GLS2: variants seen among roughly 807,000 people sequenced by gnomAD.
The protein encoded by GLS2 is glutaminase 2.
Under a neutral mutation model 79.0 loss-of-function variants are expected in GLS2, and 52 were observed. The ratio of observed to expected loss-of-function variants is 0.66; its 90% CI spans 0.53 to 0.83. The LOEUF is 0.83. Ranked by LOEUF, GLS2 falls within the 40% of genes least tolerant of loss-of-function variation. The pLI, the probability that GLS2 is intolerant of heterozygous loss-of-function variation, is 0.00. For synonymous variants in GLS2, 238 were observed against 280.8 expected (o/e 0.85, Z 1.52); for missense variants, 561 against 764.8 (o/e 0.73, Z 3.14).
intron 1 of GLS2, among the ~76,000 whole-genome samples, chr12:56,483,261 A>G (rs1197562683): frequency 6.6e-6 from 1 of 150,920 alleles, no homozygotes; most frequent in Non-Finnish European, 1.5e-5. Flanking sequence ...TTGTATTTTT[A>G]GTAGAGACAG....
Position 56,479,886 on chromosome 12 carries a change from C to T in GLS2, c.298G>A (p.Gly100Arg). The T allele has an allele frequency of 6.2e-7, 1 of 1,613,414 alleles. No homozygotes were observed. Among genetic ancestry groups the T allele is most frequent in the Non-Finnish European group, 8.5e-7 (1 of 1,179,952 alleles). Residue 100 changes from glycine to arginine, a missense_variant, in exon 3 of 18, where the codon GGA becomes AGA. Physicochemically the swap from Gly to Arg is moderately radical, Grantham distance 125. Transcript: ENST00000311966. Reference protein sequence around the residue: ...HKFTTALKATGLQTSDPRLRD... With the variant: ...HKFTTALKATRLQTSDPRLRD... ...AGCCGAGGATCTGATGTCTGCAGTC[C>T]AGTGGCCTTTAGTGCCTTTAGAGGA...
At chr12:56,482,954 C>T (rs1870408297) in intron 1 of GLS2, among the ~76,000 whole-genome samples, 1 of 152,014 alleles carries the variant, frequency 6.6e-6, no homozygotes. Context: ...CGATTAAGAC[C>T]CTTCAAAGAT....
At chr12:56,474,303 GGTC>G in intron 12 of GLS2, 2 of 503,222 alleles carry the variant, frequency 4.0e-6, no homozygotes, top group Non-Finnish European at 7.2e-6. Flanking sequence ...AGGTCAGGCT[GGTC>G]TCGAACTCCT....
At chr12:56,474,955 A>T in intron 10 of GLS2, 59 bp from the exon 11 acceptor site, 1 of 1,613,766 alleles carries the variant, frequency 6.2e-7, no homozygotes. Context: ...TCACACTGTC[A>T]GGGTCTCAGC....
chr12:56,476,420 G>A, intron 7 of GLS2: 1 of 193,588 alleles, frequency 5.2e-6, no homozygotes, highest in South Asian at 9.4e-5. Context: ...CCCTATCCCT[G>A]ATCTCCATCC....
chr12:56,471,734 G>C, intron 17 of GLS2, 39 bp downstream of exon 17: 1 of 1,612,230 alleles, frequency 6.2e-7, no homozygotes, highest in Non-Finnish European at 8.5e-7. Flanking sequence ...AGGTGGAGAA[G>C]CTGTGCCCAC....
At chr12:56,480,971 G>A (rs1870230971) in intron 1 of GLS2, among the ~76,000 whole-genome samples, 1 of 152,188 alleles carries the variant, frequency 6.6e-6, no homozygotes, top group East Asian at 1.9e-4. Flanking sequence ...TGTAATACAA[G>A]GGTAGTAATG....
At chr12:56,485,476 G>A (rs932220008) in intron 1 of GLS2, among the ~76,000 whole-genome samples, 1 of 151,538 alleles carries the variant, frequency 6.6e-6, no homozygotes, top group Non-Finnish European at 1.5e-5. Context: ...TGCTGCCCAA[G>A]CTGGTTTCGA....
rs1869242480 is a variant in GLS2 at position 56,471,373 on chromosome 12, C to T, written c.*114G>A. 1 of 1,150,364 alleles carries T rather than the reference C, an allele frequency of 8.7e-7. No individual in the cohort carries two copies. The highest frequency in any genetic ancestry group is 1.2e-6 in the Non-Finnish European group (1 of 831,300). The allele number at this position is 1,150,364 out of a possible 1,614,324, so 71.3% of individuals were successfully genotyped here. On this transcript the variant is annotated 3_prime_UTR_variant, in exon 18 of 18. Transcript: ENST00000311966. ...AGCACTAGCCTAAGTCACCAAATGA[C>T]TGCTTGGTCCCCACTGAAGCAGTGT... is the stretch of plus-strand genomic sequence containing the variant.
chr12:56,486,046 A>G (rs1169619197), intron 1 of GLS2, among the ~76,000 whole-genome samples: 3 of 150,678 alleles, frequency 2.0e-5, no homozygotes, highest in African/African-American at 7.3e-5. Flanking sequence ...TCATAAATAC[A>G]GCTAAATAGC....
At chr12:56,484,308 T>C (rs1464718938) in intron 1 of GLS2, among the ~76,000 whole-genome samples, 1 of 152,162 alleles carries the variant, frequency 6.6e-6, no homozygotes, top group African/African-American at 2.4e-5. Context: ...TTGATTCATC[T>C]CCTTCTACAG....
At position 56,473,521 on chromosome 12, in the gene GLS2, C is replaced by T. The variant is rs1431870489; in HGVS notation, c.1298G>A (p.Cys433Tyr). 5.0e-6 allele frequency: 8 copies of T among 1,613,838 alleles called. No homozygotes were observed. Among genetic ancestry groups the T allele is most frequent in the Non-Finnish European group, 6.8e-6 (8 of 1,180,018 alleles). The part of the protein sequence containing the change: ...LVVPNVMGMM[C>Y]LSPPLDKLGN... ...CAGCTTGTCCAATGGGGGTGACAGG[C>T]ACATCATTCCCATGACATTGGGTAC... Residue 433 changes from cysteine (C) to tyrosine (Y), a missense_variant, in exon 13 of 18, where the codon TGC becomes TAC. Physicochemically the swap from Cys to Tyr is radical, Grantham distance 194 (BLOSUM62 -2). Transcript: ENST00000311966.
At chr12:56,475,911 A>T in intron 8 of GLS2, 34 bp downstream of exon 8, 2 of 1,613,046 alleles carry the variant, frequency 1.2e-6, no homozygotes, top group Non-Finnish European at 1.7e-6. Context: ...CCATGGCGAA[A>T]TGCAGCCAGG....
At chr12:56,479,222 G>T in intron 3 of GLS2, 41 bp from the exon 4 acceptor site, 1 of 1,606,334 alleles carries the variant, frequency 6.2e-7, no homozygotes, top group Non-Finnish European at 8.5e-7. Flanking sequence ...CTAGAGAAAT[G>T]CAGCTGGGAC....
chr12:56,485,049 T>C (rs1870574779), intron 1 of GLS2, among the ~76,000 whole-genome samples: 1 of 152,154 alleles, frequency 6.6e-6, no homozygotes, highest in Non-Finnish European at 1.5e-5. Context: ...AACAATGGAA[T>C]CTTTTAAAAT....
rs1282660574 is a variant in GLS2, at chr12:56,471,109, G to A, written c.*378C>T. On this transcript the variant is annotated 3_prime_UTR_variant, in exon 18 of 18. Coordinates refer to ENST00000311966, the MANE Select transcript of GLS2 (RefSeq NM_013267.4). ...CCATTCCCACTTCCCATATTCTGTG[G>A]ATATGTACATGTGCATGGTAGCTAG... 3 of 377,418 alleles carry A rather than the reference G, an allele frequency of 7.9e-6. No individual in the cohort carries two copies. Among genetic ancestry groups the A allele is most frequent in the Non-Finnish European group, 4.7e-6 (1 of 213,022 alleles). 23.4% of individuals were successfully genotyped at this position (377,418 alleles called of 1,614,324 possible).
chr12:56,485,338 C>T (rs1454438962), intron 1 of GLS2, among the ~76,000 whole-genome samples: 1 of 152,098 alleles, frequency 6.6e-6, no homozygotes, highest in African/African-American at 2.4e-5. Flanking sequence ...ATCACTACAG[C>T]CTCGACCTAC....
chr12:56,479,996 C>A (rs1221964077), intron 2 of GLS2, 95 bp from the exon 3 acceptor site: 6 of 1,469,726 alleles, frequency 4.1e-6, no homozygotes, highest in Non-Finnish European at 4.6e-6. Context: ...AGCTGAACCC[C>A]AACCACTACA....
intron 6 of GLS2, 34 bp from the exon 7 acceptor site, chr12:56,477,752 A>G (rs2136187496): frequency 6.3e-7 from 1 of 1,597,430 alleles, no homozygotes; most frequent in Non-Finnish European, 8.5e-7. Flanking sequence ...AGTCTTAGCC[A>G]CTGAACAAAG....
Sources: allele counts gnomAD v4.1 joint callset (sites outside exome capture counted in the v4.1 genomes callset), GRCh38; gene constraint gnomAD v4.1.1; transcripts MANE v1.5; gene names NCBI Gene and HGNC (gene_info 2026-07-23, HGNC 2026-07-21).